The following POLR2F variants were observed in gnomAD, a reference collection of about 807,000 sequenced individuals.
POLR2F encodes the protein DNA-directed RNA polymerases I, II, and III subunit RPABC2.
Under a neutral mutation model 22.7 loss-of-function variants are expected in POLR2F, and 12 were observed. The ratio of observed to expected loss-of-function variants is 0.53; its 90% CI spans 0.34 to 0.86. The LOEUF (loss-of-function observed/expected upper bound fraction) is 0.86. Ranked by LOEUF, POLR2F falls within the 40% of genes least tolerant of loss-of-function variation. POLR2F has a pLI of 0.02. For synonymous variants in POLR2F, 57 were observed against 66.0 expected (o/e 0.86, Z 0.66); for missense variants, 126 against 171.5 (o/e 0.73, Z 1.48).
chr22:37,983,612 T>G, upstream of POLR2F: 1 of 1,606,974 alleles, frequency 6.2e-7, no homozygotes, highest in Non-Finnish European at 8.5e-7. The surrounding 1 kb of genome is among the most constrained non-coding windows in gnomAD (Gnocchi z 9.5). Context: ...GCCGTCCTGC[T>G]GCTCCTTCTT....
intron 1 of POLR2F, among the ~76,000 whole-genome samples, chr22:37,955,675 C>T (rs774281531): frequency 1.3e-5 from 2 of 151,812 alleles, no homozygotes; most frequent in Admixed American, 6.6e-5. Flanking sequence ...TTTACTTCTT[C>T]TTCTTATTAT....
chr22:38,040,887 C>A, intron 5 of POLR2F: 1 of 891,052 alleles, frequency 1.1e-6, no homozygotes, highest in Non-Finnish European at 1.7e-6. Flanking sequence ...GGAGGATGTG[C>A]CAAGGGGAAC....
chr22:38,021,387 G>A (rs760544008), intron 1 of POLR2F, among the ~76,000 whole-genome samples: 13 of 152,198 alleles, frequency 8.5e-5, no homozygotes, highest in Non-Finnish European at 1.9e-4. Context: ...GTCTCTTGGG[G>A]GTGAAGTGAG....
chr22:38,018,123 T>A (rs2084930073), intron 1 of POLR2F, among the ~76,000 whole-genome samples: 1 of 152,214 alleles, frequency 6.6e-6, no homozygotes, highest in African/African-American at 2.4e-5. Context: ...GGACTCAGGC[T>A]ATAGCCAGGG....
chr22:38,009,117 T>C (rs1303677503), intron 1 of POLR2F, among the ~76,000 whole-genome samples: 2 of 152,064 alleles, frequency 1.3e-5, no homozygotes, highest in Non-Finnish European at 2.9e-5. Flanking sequence ...GGCCGGAGCG[T>C]TCTGAGGACA....
chr22:37,999,116 C>A (rs2084745636), intron 1 of POLR2F, among the ~76,000 whole-genome samples: 1 of 152,102 alleles, frequency 6.6e-6, no homozygotes, highest in Admixed American at 6.5e-5. Context: ...GGGCAGCTGG[C>A]CCTGAGTTCC....
At chr22:37,992,290 C>T (rs964340785) in intron 1 of POLR2F, among the ~76,000 whole-genome samples, 1 of 152,070 alleles carries the variant, frequency 6.6e-6, no homozygotes, top group South Asian at 2.1e-4. Flanking sequence ...TGGCACATGA[C>T]GGAACCCAGT....
In POLR2F at chr22:37,978,726, A is replaced by G. The variant is rs766756616; in HGVS notation, c.293+11556A>G. On this transcript the variant is annotated intron_variant, in intron 4 of 4. Coordinates refer to the POLR2F transcript ENST00000405557. This position sits in a 1 kb window ranked among gnomAD's most constrained non-coding sequence, Gnocchi z 5.0. ...GAATAATGGATGTGAGATGCCTTGC[A>G]CCAGGGCCTGGGAAGCGGGCTGAGC... Among the ~76,000 whole-genome samples the G allele has an allele frequency of 6.6e-6, 1 of 152,098 alleles. No homozygotes were observed. Among genetic ancestry groups the G allele is most frequent in the Non-Finnish European group, 1.5e-5 (1 of 68,018 alleles).
Position 37,986,649 on chromosome 22 carries a change from A to C in POLR2F, c.120+337A>C. ...CCCGCACAGACACTGCCTTCCTCTC[A>C]GGGCTGTGCTGGGCTTTTTGCTGAG... On this transcript the variant is annotated intron_variant, in intron 1 of 2. Coordinates refer to the POLR2F transcript ENST00000333418. This position sits in a 1 kb window ranked among gnomAD's most constrained non-coding sequence, Gnocchi z 4.7. The C allele has an allele frequency of 1.7e-6, 1 of 573,318 alleles. No homozygotes were observed. The highest frequency in any genetic ancestry group is 3.3e-6 in the Non-Finnish European group (1 of 305,900). 35.5% of individuals were successfully genotyped at this position (573,318 alleles called of 1,614,324 possible). A position where few individuals can be genotyped will look rare whatever the true frequency, so the allele number is the denominator to read the frequency against.
chr22:38,022,474 C>T lies in POLR2F; in HGVS notation c.121-3395C>T, dbSNP rs566825936. On this transcript the variant is annotated intron_variant, in intron 1 of 2. Coordinates refer to the POLR2F transcript ENST00000333418. Reference sequence around the variant, plus strand: ...GCTGAGGTGGGAGAATTGCTTGAACCCAGGAGGCAGAGGTTGCAGTGACCC... The same window carrying T: ...GCTGAGGTGGGAGAATTGCTTGAACTCAGGAGGCAGAGGTTGCAGTGACCC... Among the ~76,000 whole-genome samples, 3 of 150,786 alleles carry T rather than the reference C, an allele frequency of 2.0e-5. No homozygotes were observed. In the East Asian group the frequency reaches 5.9e-4, roughly 29 times the overall value.
downstream of POLR2F, among the ~76,000 whole-genome samples, chr22:38,027,088 T>C (rs2085019589): frequency 6.6e-6 from 1 of 152,192 alleles, no homozygotes; most frequent in African/African-American, 2.4e-5. Context: ...CTGGGGACTG[T>C]GCAGTGTGTC....
At chr22:37,973,181 C>T (rs1932110055), downstream of POLR2F, 1 of 339,896 alleles carries the variant, frequency 2.9e-6, no homozygotes. Context: ...GGAGGGTGAG[C>T]AGGCCCTTCT....
downstream of POLR2F, among the ~76,000 whole-genome samples, chr22:37,970,033 C>T (rs1931996814): frequency 6.6e-6 from 1 of 152,132 alleles, no homozygotes; most frequent in Non-Finnish European, 1.5e-5. Flanking sequence ...GTGGCTCACA[C>T]CTGTAATCCC....
chr22:37,973,448 G>T, downstream of POLR2F: 1 of 1,294,238 alleles, frequency 7.7e-7, no homozygotes, highest in Non-Finnish European at 1.1e-6. Flanking sequence ...AGGGCACACA[G>T]GCTGGGGGCA....
intron 3 of POLR2F, among the ~76,000 whole-genome samples, chr22:37,959,807 T>G (rs1931555384): frequency 6.6e-6 from 1 of 150,852 alleles, no homozygotes; most frequent in Non-Finnish European, 1.5e-5. Context: ...AGTGTAGTTT[T>G]TTTTTTTTTT....
chr22:38,015,030 A>AC (rs2084904878), intron 1 of POLR2F, among the ~76,000 whole-genome samples: 1 of 146,888 alleles, frequency 6.8e-6, no homozygotes, highest in Non-Finnish European at 1.5e-5. Context: ...CTGGTCTCAA[A>AC]CTCCTGACCT....
chr22:38,041,046 T>C (rs2085167228), intron 5 of POLR2F: 1 of 1,612,760 alleles, frequency 6.2e-7, no homozygotes, highest in African/African-American at 1.3e-5. Context: ...GGCACCGTAG[T>C]TATCCCTGTG....
upstream of POLR2F, among the ~76,000 whole-genome samples, chr22:37,984,831 A>T (rs948113881): frequency 6.6e-6 from 1 of 152,042 alleles, no homozygotes; most frequent in Admixed American, 6.6e-5. This position sits in a 1 kb window ranked among gnomAD's most constrained non-coding sequence, Gnocchi z 4.4. Flanking sequence ...AACCTGTTGG[A>T]TGGAAGAAAA....
downstream of POLR2F, among the ~76,000 whole-genome samples, chr22:37,970,312 G>T (rs1221493220): frequency 6.7e-6 from 1 of 149,564 alleles, no homozygotes; most frequent in African/African-American, 2.5e-5. Flanking sequence ...AAAAAGAGTG[G>T]AGATAATAGG....
Sources: gnomAD v4.1 joint callset for allele counts (sites outside exome capture counted in the v4.1 genomes callset) on GRCh38, gnomAD v4.1.1 for gene constraint, Gnocchi (gnomAD v3.1) non-coding constraint, MANE v1.5 for transcripts, NCBI Gene and HGNC (gene_info 2026-07-23, HGNC 2026-07-21) for gene names.